Variants in SHB observed in about 807,000 individuals in gnomAD.
The protein encoded by SHB is SH2 domain-containing adapter protein B.
A neutral mutation model predicts 52.3 loss-of-function variants in SHB; 20 were observed. That is an observed-to-expected ratio of 0.38 (90% CI 0.27 to 0.56). SHB has a LOEUF of 0.56. Ranked by LOEUF, SHB falls within the 20% of genes least tolerant of loss-of-function variation. The probability of loss-of-function intolerance (pLI) is 0.71; values close to 1 mark genes in which losing one functional copy is unlikely to be tolerated. For missense variants in SHB, 825 were observed against 723.3 expected, an observed-to-expected ratio of 1.14 and a Z score of -1.61; for synonymous variants, 397 against 316.5, an observed-to-expected ratio of 1.25 and a Z score of -2.70.
At chr9:37,942,500 C>T (rs1223094085) in intron 5 of SHB, among the ~76,000 whole-genome samples, 2 of 152,252 alleles carry the variant, frequency 1.3e-5, no homozygotes, top group East Asian at 3.8e-4. Flanking sequence ...CAGGGACAGC[C>T]TGGACTCACC....
intron 2 of SHB, among the ~76,000 whole-genome samples, chr9:37,976,233 G>A (rs1820652292): frequency 6.6e-6 from 1 of 152,088 alleles, no homozygotes. Flanking sequence ...ACGGGGTTTT[G>A]CCATGTTGGC....
intron 1 of SHB, among the ~76,000 whole-genome samples, chr9:38,018,883 T>G (rs1318150790): frequency 6.6e-6 from 1 of 152,220 alleles, no homozygotes; most frequent in Non-Finnish European, 1.5e-5. Context: ...CGTGCTGCTT[T>G]TTTGAGCTAA....
At chr9:38,042,538 G>C (rs1821597797) in intron 1 of SHB, among the ~76,000 whole-genome samples, 1 of 152,194 alleles carries the variant, frequency 6.6e-6, no homozygotes, top group Non-Finnish European at 1.5e-5. Context: ...AAGCAAGCTG[G>C]AAAGTGCCGG....
intron 2 of SHB, among the ~76,000 whole-genome samples, chr9:37,977,928 A>G (rs1434903334): frequency 1.3e-5 from 2 of 152,228 alleles, no homozygotes; most frequent in African/African-American, 4.8e-5. Context: ...AAGGAACCAC[A>G]AACAATTCAC....
At chr9:37,964,409 G>A (rs1454428476) in intron 3 of SHB, among the ~76,000 whole-genome samples, 1 of 152,172 alleles carries the variant, frequency 6.6e-6, no homozygotes, top group Admixed American at 6.5e-5. Flanking sequence ...GACATCCCCA[G>A]AGGAAAAATG....
intron 2 of SHB, among the ~76,000 whole-genome samples, chr9:38,007,249 ATTTG>A (rs1821085477): frequency 1.3e-5 from 2 of 152,150 alleles, no homozygotes; most frequent in Non-Finnish European, 2.9e-5. Context: ...TATAGTGAGT[ATTTG>A]TTTGTTTCCT....
rs573136495 is a variant in SHB at position 37,916,454 on chromosome 9, C to T, written c.*3367G>A. On this transcript the variant is annotated 3_prime_UTR_variant, in exon 6 of 6. Coordinates refer to ENST00000377707, the MANE Select transcript of SHB (RefSeq NM_003028.3). ...AGCGTCTGGGGAGCTACCGGAACTT[C>T]GTGTTCAGCATCTTACAAAGGGGGC... is the stretch of plus-strand genomic sequence containing the variant. Among the ~76,000 whole-genome samples the T allele has an allele frequency of 2.6e-5, 4 of 152,340 alleles. No individual in the cohort carries two copies. The highest frequency in any genetic ancestry group is 5.9e-5 in the Non-Finnish European group (4 of 68,032).
At chr9:37,957,359 G>A (rs1832647770) in intron 3 of SHB, among the ~76,000 whole-genome samples, 1 of 152,224 alleles carries the variant, frequency 6.6e-6, no homozygotes, top group South Asian at 2.1e-4. Context: ...GCGGGGTAAC[G>A]TGCTGTCTGC....
intron 1 of SHB, among the ~76,000 whole-genome samples, chr9:38,055,712 T>A (rs1241546651): frequency 1.3e-5 from 2 of 152,146 alleles, no homozygotes; most frequent in Non-Finnish European, 2.9e-5. Context: ...TGTCTCTGAT[T>A]GTTCCATAGG....
chr9:37,987,722 C>A (rs967980304), intron 2 of SHB, among the ~76,000 whole-genome samples: 2 of 152,152 alleles, frequency 1.3e-5, no homozygotes, highest in African/African-American at 2.4e-5. Context: ...GGTTGGGGGG[C>A]CTGGGAGGAA....
intron 1 of SHB, among the ~76,000 whole-genome samples, chr9:38,050,557 T>C (rs1821726300): frequency 2.0e-5 from 3 of 152,166 alleles, no homozygotes; most frequent in African/African-American, 7.2e-5. Flanking sequence ...ACAAAATATA[T>C]GTTTTGTTTC....
intron 4 of SHB, among the ~76,000 whole-genome samples, chr9:37,953,838 G>T (rs944123444): frequency 6.6e-6 from 1 of 152,182 alleles, no homozygotes; most frequent in African/African-American, 2.4e-5. Context: ...AAACCCCTCG[G>T]GTGATGAGTC....
chr9:37,952,190 G>GTTA (rs1196777364), intron 4 of SHB, among the ~76,000 whole-genome samples: 1 of 152,218 alleles, frequency 6.6e-6, no homozygotes, highest in Non-Finnish European at 1.5e-5. Context: ...AGTGACAAGG[G>GTTA]TTATGCAGGC....
chr9:38,025,839 G>C (rs565998214), intron 1 of SHB, among the ~76,000 whole-genome samples: 1 of 152,172 alleles, frequency 6.6e-6, no homozygotes, highest in Non-Finnish European at 1.5e-5. Context: ...CCATGTTGAT[G>C]AGGAGCCACC....
chr9:38,061,415 G>A (rs530665036), intron 1 of SHB, among the ~76,000 whole-genome samples: 1 of 151,908 alleles, frequency 6.6e-6, no homozygotes, highest in Non-Finnish European at 1.5e-5. Flanking sequence ...GCCAGCATGC[G>A]AGCTCTGTTG....
At chr9:38,037,199 A>G (rs1821500349) in intron 1 of SHB, among the ~76,000 whole-genome samples, 3 of 152,234 alleles carry the variant, frequency 2.0e-5, no homozygotes, top group Admixed American at 2.0e-4. Flanking sequence ...CTCAAACAAG[A>G]GAACTGGAGA....
chr9:38,043,906 T>A (rs1466811776), intron 1 of SHB, among the ~76,000 whole-genome samples: 8 of 150,786 alleles, frequency 5.3e-5, no homozygotes, highest in Non-Finnish European at 1.0e-4. Context: ...AAAAAAAAAT[T>A]AAGAAAAGAA....
intron 1 of SHB, among the ~76,000 whole-genome samples, chr9:38,041,837 T>C (rs1360805815): frequency 6.6e-6 from 1 of 152,208 alleles, no homozygotes; most frequent in Non-Finnish European, 1.5e-5. Flanking sequence ...GCAAGCCTTC[T>C]GATTGCCAAA....
intron 1 of SHB, among the ~76,000 whole-genome samples, chr9:38,034,587 T>C (rs1478754269): frequency 6.6e-6 from 1 of 152,254 alleles, no homozygotes; most frequent in Non-Finnish European, 1.5e-5. Context: ...CATTCTGTCC[T>C]CTGATCCCAC....
Sources: gnomAD v4.1 joint callset for allele counts (sites outside exome capture counted in the v4.1 genomes callset) on GRCh38, gnomAD v4.1.1 for gene constraint, MANE v1.5 for transcripts, NCBI Gene and HGNC (gene_info 2026-07-23, HGNC 2026-07-21) for gene names.